RSPRY1: variants seen among roughly 807,000 people sequenced by gnomAD.
The protein encoded by RSPRY1 is ring finger and SPRY domain containing 1.
In RSPRY1, 23 loss-of-function variants were observed where a neutral mutation model predicts 73.1. That is an observed-to-expected ratio of 0.31 (90% CI 0.23 to 0.45). The LOEUF (loss-of-function observed/expected upper bound fraction) is 0.45, where lower values mean the gene tolerates loss of function less well. Among genes scored for constraint, RSPRY1 ranks in the 20% least tolerant of loss-of-function variants. The probability of loss-of-function intolerance (pLI) is 1.00; values close to 1 mark genes in which losing one functional copy is unlikely to be tolerated. For missense variants in RSPRY1, 448 were observed against 698.7 expected (o/e 0.64, Z 4.05); for synonymous variants, 226 against 251.4 (o/e 0.90, Z 0.95).
rs773953397 is a variant in RSPRY1, at chr16:57,235,141, T to G, written c.1547T>G (p.Leu516Arg). 1 of 1,614,048 alleles carries G rather than the reference T, an allele frequency of 6.2e-7. No individual in the cohort carries two copies. Among genetic ancestry groups the G allele is most frequent in the Non-Finnish European group, 8.5e-7 (1 of 1,179,894 alleles). Residue 516 changes from leucine (L) to arginine (R), a missense_variant, in exon 14 of 15, where the codon CTG becomes CGG. Coordinates refer to ENST00000394420, the MANE Select transcript of RSPRY1 (RefSeq NM_133368.3). ...IILPRHRRLA[L>R]LKQVSIRENC... is the part of the protein sequence containing the mutation. ...CTACTCAGGCACAGGCGTCTTGCTC[T>G]GTTGAAGCAAGTCAGTATCCGAGAA...
intron 11 of RSPRY1, among the ~76,000 whole-genome samples, chr16:57,229,598 A>G (rs1182472871): frequency 6.7e-6 from 1 of 150,280 alleles, no homozygotes; most frequent in Non-Finnish European, 1.5e-5. Context: ...CAGCCTGGGT[A>G]ATGGAGCAAG....
At chr16:57,201,536 C>T (rs1396455250) in intron 1 of RSPRY1, among the ~76,000 whole-genome samples, 15 of 152,188 alleles carry the variant, frequency 9.9e-5, no homozygotes, top group African/African-American at 3.6e-4. Flanking sequence ...CAGAGACACT[C>T]CTCACTTCCC....
chr16:57,224,761 T>C (rs1350695280), intron 10 of RSPRY1, among the ~76,000 whole-genome samples: 1 of 152,222 alleles, frequency 6.6e-6, no homozygotes, highest in African/African-American at 2.4e-5. Context: ...AGTTCCTTCT[T>C]TGTGCTACAG....
At chr16:57,197,949 C>T (rs1159041827) in intron 1 of RSPRY1, among the ~76,000 whole-genome samples, 1 of 128,160 alleles carries the variant, frequency 7.8e-6, no homozygotes, top group African/African-American at 2.9e-5. Context: ...TGGTCTCAGC[C>T]TCCTGGGCTC....
At chr16:57,193,160 T>A (rs2074380243) in intron 1 of RSPRY1, among the ~76,000 whole-genome samples, 1 of 152,240 alleles carries the variant, frequency 6.6e-6, no homozygotes, top group Admixed American at 6.5e-5. Flanking sequence ...AATGGTACTC[T>A]GTGTGACCTA....
intron 1 of RSPRY1, among the ~76,000 whole-genome samples, chr16:57,199,887 TTTTG>T (rs1320499555): frequency 1.2e-4 from 11 of 92,738 alleles, no homozygotes; most frequent in East Asian, 3.0e-4. Context: ...ATTTTGTTTT[TTTTG>T]TTTGTTTTTT....
chr16:57,234,561 C>T (rs529236891), intron 13 of RSPRY1, among the ~76,000 whole-genome samples: 39 of 152,336 alleles, frequency 2.6e-4, no homozygotes, highest in Admixed American at 2.2e-3. Flanking sequence ...TGAATACATG[C>T]TTCATGCTTC....
In RSPRY1 at chr16:57,239,203, TAGC is replaced by T. The variant is rs1369540843; in HGVS notation, c.*232_*234del. 3.6e-6 allele frequency: 1 copy of T among 279,526 alleles called. No homozygotes were observed. Among genetic ancestry groups the T allele is most frequent in the Non-Finnish European group, 6.8e-6 (1 of 147,982 alleles). 17.3% of individuals were successfully genotyped at this position (279,526 alleles called of 1,614,324 possible). Reference sequence around the variant, plus strand: ...TTTAAGGCCAAGGAAAGCTGAATGCTAGCAGCCAGGCCTGTGGTACTTCCATGA... The same window carrying T: ...TTTAAGGCCAAGGAAAGCTGAATGCTAGCCAGGCCTGTGGTACTTCCATGA... On this transcript the variant is annotated 3_prime_UTR_variant, in exon 15 of 15. Coordinates refer to ENST00000394420, the MANE Select transcript of RSPRY1 (RefSeq NM_133368.3).
chr16:57,201,712 C>T (rs1785373366), intron 1 of RSPRY1, among the ~76,000 whole-genome samples: 1 of 152,256 alleles, frequency 6.6e-6, no homozygotes, highest in Non-Finnish European at 1.5e-5. Context: ...ATCCCGGCAC[C>T]TCGGGAGGCC....
At chr16:57,214,035 C>A in intron 6 of RSPRY1, 89 bp downstream of exon 6, 1 of 856,976 alleles carries the variant, frequency 1.2e-6, no homozygotes, top group Non-Finnish European at 2.0e-6. Flanking sequence ...GCTGGCATAG[C>A]CACTGGCACA....
chr16:57,227,445 G>A lies in RSPRY1; in HGVS notation c.1265G>A (p.Trp422Ter). The A allele has an allele frequency of 6.2e-7, 1 of 1,611,098 alleles. No individual in the cohort carries two copies. Among genetic ancestry groups the A allele is most frequent in the East Asian group, 2.2e-5 (1 of 44,864 alleles). ...ARSKPHIHPCWKEGDTVGFLL... is the reference protein window; with the variant it reads ...ARSKPHIHPC ...AGTAAGCCTCACATACACCCATGCT[G>A]GAAAGAAGGTATTCATTCCCTCCAT... Residue 422 changes from tryptophan to a stop codon, truncating the protein, a stop_gained, in exon 11 of 15, where the codon TGG becomes TAG. Coordinates refer to ENST00000394420, the MANE Select transcript of RSPRY1 (RefSeq NM_133368.3). LOFTEE classifies it high-confidence loss of function.
At chr16:57,210,096 C>T (rs1458331442) in intron 4 of RSPRY1, among the ~76,000 whole-genome samples, 1 of 130,346 alleles carries the variant, frequency 7.7e-6, no homozygotes, top group Non-Finnish European at 1.6e-5. Context: ...TTCCTTCTTG[C>T]CTCCCTTCCT....
At chr16:57,207,413 AC>A (rs2074746597) in intron 2 of RSPRY1, among the ~76,000 whole-genome samples, 2 of 152,262 alleles carry the variant, frequency 1.3e-5, no homozygotes, top group African/African-American at 4.8e-5. Flanking sequence ...TTAATGGAAA[AC>A]ATCTCATTAT....
intron 2 of RSPRY1, chr16:57,207,477 T>G (rs1936328545): frequency 2.5e-6 from 1 of 396,588 alleles, no homozygotes. Flanking sequence ...ACCACTGAAT[T>G]AAGGTGTATA....
At chr16:57,216,041 G>C in intron 6 of RSPRY1, 66 bp from the exon 7 acceptor site, 1 of 1,266,112 alleles carries the variant, frequency 7.9e-7, no homozygotes, top group Non-Finnish European at 1.1e-6. Flanking sequence ...AAATGAAACT[G>C]ATAACTTGCC....
chr16:57,199,185 T>A (rs1297470144), intron 1 of RSPRY1, among the ~76,000 whole-genome samples: 1 of 152,228 alleles, frequency 6.6e-6, no homozygotes, highest in Non-Finnish European at 1.5e-5. Flanking sequence ...ATTTATGGCT[T>A]CATTCTAGTT....
In RSPRY1 at chr16:57,202,230, G is replaced by A. The variant is rs568221741; in HGVS notation, c.-155-2274G>A. On this transcript the variant is annotated intron_variant, in intron 1 of 14. Coordinates refer to ENST00000394420, the MANE Select transcript of RSPRY1 (RefSeq NM_133368.3). ...CAAATAAAGTAAGTGCAATTGTTAC[G>A]GGGGGTGGGTGGCGGGGGTCCTTGT... 5.3e-4 allele frequency among the ~76,000 whole-genome samples: 80 copies of A among 151,964 alleles called. 2 individuals are homozygous for A. Among genetic ancestry groups the A allele is most frequent in the South Asian group, 2.3e-3 (11 of 4,798 alleles).
At chr16:57,213,175 A>G in intron 5 of RSPRY1, 77 bp downstream of exon 5, 1 of 1,372,114 alleles carries the variant, frequency 7.3e-7, no homozygotes, top group Non-Finnish European at 1.0e-6. Context: ...TATGTCTTTG[A>G]TCAAACTGCT....
At chr16:57,222,242 G>A (rs1236263665) in intron 10 of RSPRY1, among the ~76,000 whole-genome samples, 1 of 152,132 alleles carries the variant, frequency 6.6e-6, no homozygotes, top group East Asian at 1.9e-4. Flanking sequence ...CCGGCCATAA[G>A]TATGGTGAGG....
Sources: gnomAD v4.1 joint callset for allele counts (sites outside exome capture counted in the v4.1 genomes callset) on GRCh38, gnomAD v4.1.1 for gene constraint, MANE v1.5 for transcripts, NCBI Gene and HGNC (gene_info 2026-07-23, HGNC 2026-07-21) for gene names.